Variants in LSM10 observed in about 807,000 individuals in gnomAD.
LSM10 encodes LSM10, U7 small nuclear RNA associated.
A neutral mutation model predicts 5.2 loss-of-function variants in LSM10; 4 were observed. The observed-to-expected ratio is 0.77, with a 90% CI of 0.38 to 1.77. The LOEUF (loss-of-function observed/expected upper bound fraction) is 1.77. Ranked by LOEUF, LSM10 falls within the 40% of genes most tolerant of loss-of-function variation. The probability of loss-of-function intolerance (pLI) is 0.04; values close to 1 mark genes in which losing one functional copy is unlikely to be tolerated. For missense variants in LSM10, 150 were observed against 171.6 expected (o/e 0.87, Z 0.70); for synonymous variants, 63 against 67.4 (o/e 0.94, Z 0.32).
chr1:36,397,014 C>G (rs1647161895), intron 1 of LSM10, among the ~76,000 whole-genome samples: 1 of 151,834 alleles, frequency 6.6e-6, no homozygotes, highest in South Asian at 2.1e-4. Context: ...GAAAAAAACC[C>G]CCAACCGGTA....
chr1:36,394,422 G>A (rs923381379), intron 1 of LSM10, among the ~76,000 whole-genome samples: 12 of 152,182 alleles, frequency 7.9e-5, no homozygotes, highest in African/African-American at 2.2e-4. Context: ...TAGCTACTCA[G>A]GAGACTGAGG....
In LSM10 at chr1:36,394,153, G is replaced by A; in HGVS notation, c.-24C>T. On this transcript the variant is annotated splice_region_variant and 5_prime_UTR_variant, in exon 2 of 2. Transcript: ENST00000315732. ...ATTCTTCCACACCAGCTGCCTGCTT[G>A]CTGTGGACAGGAGCACACAGATGGC... 6.3e-7 allele frequency: 1 copy of A among 1,598,478 alleles called. No homozygotes were observed. Among genetic ancestry groups the A allele is most frequent in the Non-Finnish European group, 8.5e-7 (1 of 1,173,348 alleles).
At chr1:36,395,426 G>C (rs143114388) in intron 1 of LSM10, among the ~76,000 whole-genome samples, 1 of 152,046 alleles carries the variant, frequency 6.6e-6, no homozygotes, top group Non-Finnish European at 1.5e-5. Context: ...GAAAAATATG[G>C]CTAGGAGAGG....
At chr1:36,394,207 C>T (rs777385495) in intron 1 of LSM10, 54 bp from the exon 2 acceptor site, 23 of 1,502,300 alleles carry the variant, frequency 1.5e-5, no homozygotes, top group African/African-American at 4.1e-5. Context: ...GGTACAGTTG[C>T]CAACTCACCT....
At chr1:36,396,573 A>C (rs1401155242) in intron 1 of LSM10, among the ~76,000 whole-genome samples, 1 of 152,262 alleles carries the variant, frequency 6.6e-6, no homozygotes, top group Non-Finnish European at 1.5e-5. Flanking sequence ...GCCCAGAGAT[A>C]AAGTCATTTT....
chr1:36,396,954 C>T (rs1466942646), intron 1 of LSM10, among the ~76,000 whole-genome samples: 5 of 148,216 alleles, frequency 3.4e-5, no homozygotes, highest in Admixed American at 6.8e-5. Flanking sequence ...GGTGACACAG[C>T]GAGACTCTCA....
intron 1 of LSM10, among the ~76,000 whole-genome samples, chr1:36,396,243 A>G (rs1240987819): frequency 6.6e-6 from 1 of 150,576 alleles, no homozygotes; most frequent in South Asian, 2.1e-4. Context: ...AAAAAAAAAA[A>G]AAAAAAGAAA....
At chr1:36,395,362 C>G (rs1647150170) in intron 1 of LSM10, among the ~76,000 whole-genome samples, 1 of 152,142 alleles carries the variant, frequency 6.6e-6, no homozygotes, top group Non-Finnish European at 1.5e-5. Flanking sequence ...CAACAAAAGT[C>G]TGTATCATTC....
Position 36,394,210 on chromosome 1 carries a change from A to G in LSM10, c.-24-57T>C, listed in dbSNP as rs1647142455. 4.0e-6 allele frequency: 6 copies of G among 1,487,432 alleles called. No homozygotes were observed. In the Admixed American group the frequency reaches 6.3e-5, roughly 16 times the overall value. 92.1% of individuals were successfully genotyped at this position (1,487,432 alleles called of 1,614,324 possible). On this transcript the variant is annotated intron_variant, in intron 1 of 1. Coordinates refer to ENST00000315732, the MANE Select transcript of LSM10 (RefSeq NM_032881.3). ...AGCAGGGTAGGGGGTACAGTTGCCA[A>G]CTCACCTCCACCAGGTTCTCAAACA...
chr1:36,393,749 C>T lies in LSM10; in HGVS notation c.*9G>A. The T allele has an allele frequency of 6.2e-7, 1 of 1,612,776 alleles. No individual in the cohort carries two copies. The highest frequency in any genetic ancestry group is 8.5e-7 in the Non-Finnish European group (1 of 1,179,380). On this transcript the variant is annotated 3_prime_UTR_variant, in exon 2 of 2. Coordinates refer to ENST00000315732, the MANE Select transcript of LSM10 (RefSeq NM_032881.3). ...GACTCCGAGTTGGGGCCAGGGCTTGCTGAGGGCCTCACTTACAGTTTTTTG... is the reference window on the plus strand; with the variant it reads ...GACTCCGAGTTGGGGCCAGGGCTTGTTGAGGGCCTCACTTACAGTTTTTTG...
intron 1 of LSM10, among the ~76,000 whole-genome samples, chr1:36,396,617 T>C (rs892615531): frequency 2.6e-5 from 4 of 152,208 alleles, no homozygotes; most frequent in Admixed American, 6.5e-5. Flanking sequence ...ATGCTGCTGG[T>C]CAGGGGCCCA....
intron 1 of LSM10, among the ~76,000 whole-genome samples, chr1:36,394,672 G>A (rs907913888): frequency 2.6e-5 from 4 of 152,014 alleles, no homozygotes; most frequent in African/African-American, 7.2e-5. Flanking sequence ...GCCGAGTGTG[G>A]TGACAGCGGG....
intron 1 of LSM10, among the ~76,000 whole-genome samples, chr1:36,395,182 A>G (rs1415472379): frequency 6.6e-6 from 1 of 152,222 alleles, no homozygotes; most frequent in Non-Finnish European, 1.5e-5. Context: ...GCTTCTAATC[A>G]ACAGTAAAAT....
At chr1:36,394,507 T>TA (rs1382487001) in intron 1 of LSM10, among the ~76,000 whole-genome samples, 1 of 152,016 alleles carries the variant, frequency 6.6e-6, no homozygotes, top group Admixed American at 6.6e-5. Flanking sequence ...TCTGATTTTT[T>TA]AAAAAAACCT....
At chr1:36,395,741 G>C (rs1647153272) in intron 1 of LSM10, among the ~76,000 whole-genome samples, 1 of 148,550 alleles carries the variant, frequency 6.7e-6, no homozygotes, top group South Asian at 2.1e-4. Flanking sequence ...TCACGCCACT[G>C]CACTCCAGCC....
intron 1 of LSM10, among the ~76,000 whole-genome samples, chr1:36,395,138 T>C (rs1396990318): frequency 1.3e-5 from 2 of 152,084 alleles, no homozygotes; most frequent in African/African-American, 2.4e-5. Flanking sequence ...AGCATTTCTA[T>C]TGGGTCAGAG....
intron 1 of LSM10, among the ~76,000 whole-genome samples, chr1:36,397,308 A>G (rs1172026393): frequency 6.6e-6 from 1 of 152,188 alleles, no homozygotes; most frequent in African/African-American, 2.4e-5. Context: ...CTCACTCAGC[A>G]TCCCGTCCAG....
chr1:36,397,374 G>A (rs1439233818), intron 1 of LSM10, among the ~76,000 whole-genome samples: 1 of 152,180 alleles, frequency 6.6e-6, no homozygotes, highest in Non-Finnish European at 1.5e-5. Flanking sequence ...TGACGAGGGG[G>A]CCTGGGAGCT....
intron 1 of LSM10, among the ~76,000 whole-genome samples, chr1:36,395,804 C>T (rs59431304): frequency 0.02 from 3,014 of 151,636 alleles, 98 homozygotes; most frequent in African/African-American, 0.069. Flanking sequence ...AATCCATAGC[C>T]GTCTGGCTCC....
Sources: allele counts gnomAD v4.1 joint callset (sites outside exome capture counted in the v4.1 genomes callset), GRCh38; gene constraint gnomAD v4.1.1; transcripts MANE v1.5; gene names NCBI Gene and HGNC (gene_info 2026-07-23, HGNC 2026-07-21).